Variants in E2F6 observed in about 807,000 individuals in gnomAD.
The protein encoded by E2F6 is transcription factor E2F6.
A neutral mutation model predicts 31.5 loss-of-function variants in E2F6; 19 were observed. That is an observed-to-expected ratio of 0.60 (90% CI 0.42 to 0.89). The LOEUF (loss-of-function observed/expected upper bound fraction) is 0.89, where lower values mean the gene tolerates loss of function less well. E2F6 is among the 40% of genes least tolerant of loss of function. The pLI, the probability that E2F6 is intolerant of heterozygous loss-of-function variation, is 0.00. For synonymous variants in E2F6, 121 were observed against 127.7 expected (o/e 0.95, Z 0.36); for missense variants, 269 against 341.6 (o/e 0.79, Z 1.67).
At chr2:11,464,568 G>A (rs2148368759) in intron 1 of E2F6, among the ~76,000 whole-genome samples, 1 of 148,140 alleles carries the variant, frequency 6.8e-6, no homozygotes, top group South Asian at 2.2e-4. Flanking sequence ...AAGAGAGACA[G>A]TAGATGGGAG....
chr2:11,445,225 C>A lies in E2F6; in HGVS notation c.*1252G>T. On this transcript the variant is annotated 3_prime_UTR_variant, in exon 7 of 7. Coordinates refer to ENST00000381525, the MANE Select transcript of E2F6 (RefSeq NM_198256.4). ...CTTTAAAAGCAATATTCAAACGATA[C>A]AGGAATCTTGTACGATAGACAAACC... The A allele has an allele frequency of 6.6e-6, 1 of 152,372 alleles. No homozygotes were observed. The allele number at this position is 152,372 out of a possible 1,614,324, so 9.4% of individuals were successfully genotyped here. A position where few individuals can be genotyped will look rare whatever the true frequency, so the allele number is the denominator to read the frequency against.
chr2:11,460,425 A>G (rs1282616317), intron 1 of E2F6, among the ~76,000 whole-genome samples: 1 of 152,202 alleles, frequency 6.6e-6, no homozygotes, highest in Non-Finnish European at 1.5e-5. Context: ...TTGGACAACA[A>G]CTTCAGATTC....
intron 2 of E2F6, chr2:11,455,256 A>G (rs1425266578): frequency 4.9e-5 from 47 of 960,508 alleles, no homozygotes; most frequent in Non-Finnish European, 4.1e-5. Flanking sequence ...TAACTTTGTC[A>G]CTCTGGTGTG....
chr2:11,457,218 T>A lies in E2F6; in HGVS notation c.124A>T (p.Ile42Phe). Reference protein sequence around the residue: ...VEGLLPSKIRINLEDNVQYVS... With the variant: ...VEGLLPSKIRFNLEDNVQYVS... ...TATTGTACATTATCTTCTAAATTAA[T>A]CCTTATTTTTGATGGCTGAAAAAAA... Residue 42 changes from isoleucine (I) to phenylalanine (F), a missense_variant, in exon 2 of 7, where the codon ATT becomes TTT. By Grantham distance (21) the Ile-to-Phe change is conservative. Coordinates refer to ENST00000381525, the MANE Select transcript of E2F6 (RefSeq NM_198256.4). The A allele has an allele frequency of 6.4e-7, 1 of 1,554,556 alleles. No individual in the cohort carries two copies. The highest frequency in any genetic ancestry group is 2.3e-5 in the East Asian group (1 of 44,358).
chr2:11,453,901 G>C (rs985910465), intron 2 of E2F6, 103 bp from the exon 3 acceptor site: 34 of 1,006,166 alleles, frequency 3.4e-5, no homozygotes, highest in Non-Finnish European at 4.8e-5. Context: ...GACATCTACA[G>C]AAATGCCTAC....
chr2:11,452,903 C>G (rs1179215236), intron 3 of E2F6, among the ~76,000 whole-genome samples: 1 of 152,182 alleles, frequency 6.6e-6, no homozygotes, highest in African/African-American at 2.4e-5. Context: ...CTTTATGAAT[C>G]CCTTTCCTCT....
In E2F6 at chr2:11,447,615, T is replaced by C. The variant is rs767520603; in HGVS notation, c.799+12A>G. 19 of 1,610,178 alleles carry C rather than the reference T, an allele frequency of 1.2e-5. No individual in the cohort carries two copies. The highest frequency in any genetic ancestry group is 1.5e-5 in the Non-Finnish European group (18 of 1,179,302). On this transcript the variant is annotated intron_variant, in intron 6 of 6. Coordinates refer to ENST00000381525, the MANE Select transcript of E2F6 (RefSeq NM_198256.4). Reference sequence around the variant, plus strand: ...TTAATTAAAATACTGTCAGAATCACTGGTATATTTACCTTCCTCAGGGCCT... The same window carrying C: ...TTAATTAAAATACTGTCAGAATCACCGGTATATTTACCTTCCTCAGGGCCT...
chr2:11,454,962 C>T (rs1190061078), intron 2 of E2F6, among the ~76,000 whole-genome samples: 1 of 152,188 alleles, frequency 6.6e-6, no homozygotes, highest in Non-Finnish European at 1.5e-5. Context: ...CTATTTATCC[C>T]AATATTAGAA....
intron 2 of E2F6, among the ~76,000 whole-genome samples, chr2:11,456,710 C>A (rs892344527): frequency 6.6e-6 from 1 of 152,136 alleles, no homozygotes; most frequent in Admixed American, 6.6e-5. Flanking sequence ...ATGGGTGAGA[C>A]TGGGGCAGGC....
intron 3 of E2F6, among the ~76,000 whole-genome samples, chr2:11,452,910 C>T (rs907620557): frequency 2.6e-5 from 4 of 152,178 alleles, no homozygotes; most frequent in Admixed American, 2.6e-4. Context: ...AATCCCTTTC[C>T]TCTAATAACT....
chr2:11,455,718 G>C (rs1374431065), intron 2 of E2F6, among the ~76,000 whole-genome samples: 1 of 152,158 alleles, frequency 6.6e-6, no homozygotes, highest in African/African-American at 2.4e-5. Context: ...TTGCTGAGGG[G>C]ATATGAATAG....
At chr2:11,450,681 C>T (rs921013603) in intron 4 of E2F6, among the ~76,000 whole-genome samples, 15 of 152,148 alleles carry the variant, frequency 9.9e-5, no homozygotes, top group African/African-American at 3.1e-4. Flanking sequence ...GAGTCTTTTT[C>T]GTCTTGTCTC....
At position 11,447,130 on chromosome 2, in the gene E2F6, C is replaced by T. The variant is rs1028675528; in HGVS notation, c.799+497G>A. 7.9e-5 allele frequency among the ~76,000 whole-genome samples: 12 copies of T among 152,286 alleles called. No homozygotes were observed. The East Asian group carries it at 1.2e-3, about 15-fold the overall frequency. On this transcript the variant is annotated intron_variant, in intron 6 of 6. Transcript: ENST00000381525. ...TTGGACAGCACTGCAAGCTGGGTTC[C>T]GAGGTTAGATGGAGTCACTGCTCTG...
At chr2:11,457,986 C>T (rs1293771153) in intron 1 of E2F6, among the ~76,000 whole-genome samples, 1 of 152,198 alleles carries the variant, frequency 6.6e-6, no homozygotes, top group Non-Finnish European at 1.5e-5. Context: ...CAATGCTCAC[C>T]ATTTTACCAG....
intron 1 of E2F6, among the ~76,000 whole-genome samples, chr2:11,459,065 C>T (rs993446048): frequency 2.6e-4 from 40 of 151,808 alleles, no homozygotes; most frequent in Admixed American, 2.0e-3. Context: ...TAGTATGAGA[C>T]GGGCCAGCTA....
intron 1 of E2F6, among the ~76,000 whole-genome samples, chr2:11,460,497 G>A (rs1671708824): frequency 6.6e-6 from 1 of 152,132 alleles, no homozygotes; most frequent in Admixed American, 6.5e-5. Context: ...CTATGGACTT[G>A]GACTGAGCCA....
chr2:11,449,122 T>C (rs1670902783), intron 5 of E2F6, among the ~76,000 whole-genome samples: 1 of 152,240 alleles, frequency 6.6e-6, no homozygotes, highest in Non-Finnish European at 1.5e-5. Context: ...TGAATTATTA[T>C]GCCCCAAAGT....
intron 5 of E2F6, among the ~76,000 whole-genome samples, 176 bp downstream of exon 5, chr2:11,449,836 T>C (rs1670949826): frequency 6.6e-6 from 1 of 152,230 alleles, no homozygotes; most frequent in Non-Finnish European, 1.5e-5. Flanking sequence ...AAGATAATAA[T>C]GACTACTTGA....
chr2:11,453,433 A>C, intron 3 of E2F6, 149 bp downstream of exon 3: 1 of 744,852 alleles, frequency 1.3e-6, no homozygotes, highest in Non-Finnish European at 2.2e-6. Context: ...CTCTAGGATG[A>C]TGCAAGAAAA....
Sources: allele counts gnomAD v4.1 joint callset (sites outside exome capture counted in the v4.1 genomes callset), GRCh38; gene constraint gnomAD v4.1.1; transcripts MANE v1.5; gene names NCBI Gene and HGNC (gene_info 2026-07-23, HGNC 2026-07-21).